Variants in SYT7 observed in about 807,000 individuals in gnomAD.
The protein encoded by SYT7 is synaptotagmin 7, also known as synaptotagmin-7.
In SYT7, 29 loss-of-function variants were observed where a neutral mutation model predicts 75.1. That is an observed-to-expected ratio of 0.39 (90% CI 0.29 to 0.53). The LOEUF (loss-of-function observed/expected upper bound fraction) is 0.53, where lower values mean the gene tolerates loss of function less well. Among genes scored for constraint, SYT7 ranks in the 20% least tolerant of loss-of-function variants. The probability of loss-of-function intolerance (pLI) is 0.77; values close to 1 mark genes in which losing one functional copy is unlikely to be tolerated. For synonymous variants in SYT7, 376 were observed against 401.7 expected (o/e 0.94, Z 0.76); for missense variants, 693 against 953.2 (o/e 0.73, Z 3.59).
chr11:61,541,454 G>A (rs2063040220), intron 6 of SYT7, among the ~76,000 whole-genome samples: 1 of 152,044 alleles, frequency 6.6e-6, no homozygotes, highest in Non-Finnish European at 1.5e-5. Flanking sequence ...CAGGGGGTGG[G>A]CGAATGGCTG....
At chr11:61,571,232 T>C (rs1333697967) in intron 1 of SYT7, among the ~76,000 whole-genome samples, 3 of 152,176 alleles carry the variant, frequency 2.0e-5, no homozygotes, top group African/African-American at 7.2e-5. Context: ...ACACCTACCA[T>C]CGTGTTTCCA....
At chr11:61,535,496 A>G (rs1590861481) in intron 7 of SYT7, among the ~76,000 whole-genome samples, 2 of 152,162 alleles carry the variant, frequency 1.3e-5, no homozygotes, top group Admixed American at 1.3e-4. Flanking sequence ...AGAGTGGCTG[A>G]GGGTGGAATG....
Position 61,580,974 on chromosome 11 carries a change from A to G in SYT7, c.-154T>C. 1 of 978,334 alleles carries G rather than the reference A, an allele frequency of 1.0e-6. No homozygotes were observed. Among genetic ancestry groups the G allele is most frequent in the Non-Finnish European group, 1.2e-6 (1 of 825,692 alleles). The allele number at this position is 978,334 out of a possible 1,614,324, so 60.6% of individuals were successfully genotyped here. On this transcript the variant is annotated 5_prime_UTR_variant, in exon 1 of 13. Coordinates refer to ENST00000539008, the MANE Select transcript of SYT7 (RefSeq NM_001365809.2). This position sits in a 1 kb window ranked among gnomAD's most constrained non-coding sequence, Gnocchi z 6.1. ...GCTGCACCTAGCCGCGGAGCCGGGG[A>G]GCGGGGGCCGCCCGCCAGCCCTCCC...
intron 1 of SYT7, among the ~76,000 whole-genome samples, chr11:61,558,741 C>T (rs560103489): frequency 1.3e-4 from 20 of 152,260 alleles, no homozygotes; most frequent in African/African-American, 4.6e-4. Flanking sequence ...GTGAGTACCA[C>T]CTCTGCCTCT....
At chr11:61,521,247 C>T (rs972182215) in intron 12 of SYT7, among the ~76,000 whole-genome samples, 19 of 152,272 alleles carry the variant, frequency 1.2e-4, no homozygotes, top group African/African-American at 4.1e-4. Context: ...CCTTGGGCTC[C>T]GTAAGTTACC....
In SYT7 at chr11:61,546,279, AG is replaced by A; in HGVS notation, c.348-25del. ...CACTGGAGGCATGCACGAGGCAGCCAGGCCAGAGGGGCACCGGGGGTGGCGG... is the reference window on the plus strand; with the variant it reads ...CACTGGAGGCATGCACGAGGCAGCCAGCCAGAGGGGCACCGGGGGTGGCGG... On this transcript the variant is annotated intron_variant, in intron 4 of 12. Transcript: ENST00000539008. This position sits in a 1 kb window ranked among gnomAD's most constrained non-coding sequence, Gnocchi z 7.6. The A allele has an allele frequency of 7.1e-7, 1 of 1,408,478 alleles. No individual in the cohort carries two copies. The highest frequency in any genetic ancestry group is 1.5e-5 in the South Asian group (1 of 65,382). 87.2% of individuals were successfully genotyped at this position (1,408,478 alleles called of 1,614,324 possible).
At chr11:61,536,284 AC>A (rs2062868277) in intron 7 of SYT7, among the ~76,000 whole-genome samples, 1 of 152,134 alleles carries the variant, frequency 6.6e-6, no homozygotes, top group African/African-American at 2.4e-5. Flanking sequence ...ATGGAGTGAG[AC>A]CTAAGTGGCA....
chr11:61,558,095 G>T, intron 1 of SYT7, among the ~76,000 whole-genome samples: 1 of 152,194 alleles, frequency 6.6e-6, no homozygotes, highest in East Asian at 1.9e-4. Context: ...ACTTTCCTTT[G>T]TTTAACTCAC....
chr11:61,562,176 C>T (rs973209398), intron 1 of SYT7, among the ~76,000 whole-genome samples: 2 of 152,200 alleles, frequency 1.3e-5, no homozygotes, highest in Non-Finnish European at 2.9e-5. Context: ...GAAAAGACCT[C>T]CTCCAGGAAG....
rs954745097 is a variant in SYT7 at position 61,551,143 on chromosome 11, C to A, written c.215+241G>T. Among the ~76,000 whole-genome samples, 1 of 151,988 alleles carries A rather than the reference C, an allele frequency of 6.6e-6. No individual in the cohort carries two copies. The highest frequency in any genetic ancestry group is 2.1e-4 in the South Asian group (1 of 4,812). On this transcript the variant is annotated intron_variant, in intron 3 of 12. Coordinates refer to ENST00000539008, the MANE Select transcript of SYT7 (RefSeq NM_001365809.2). The surrounding 1 kb of genome is among the most constrained non-coding windows in gnomAD (Gnocchi z 5.3). ...TTGAGGTGGGCGCAGAAGGTGCTGG[C>A]GGTGAGGGCAGCGGAAACGGAGGCC...
chr11:61,516,809 T>TAC lies in SYT7; in HGVS notation c.*1816_*1817dup, dbSNP rs980071292. The stretch of plus-strand genomic sequence containing the variant: ...TCTTCACTCTACAAAACGATTCACC[T>TAC]ACTATGTATGATGTTCCTCCAGATC... On this transcript the variant is annotated 3_prime_UTR_variant, in exon 13 of 13. Coordinates refer to ENST00000539008, the MANE Select transcript of SYT7 (RefSeq NM_001365809.2). This position sits in a 1 kb window ranked among gnomAD's most constrained non-coding sequence, Gnocchi z 4.6. 2.5e-5 allele frequency: 4 copies of TAC among 158,728 alleles called. No homozygotes were observed. Among genetic ancestry groups the TAC allele is most frequent in the African/African-American group, 9.6e-5 (4 of 41,722 alleles). The allele number at this position is 158,728 out of a possible 1,614,324, so 9.8% of individuals were successfully genotyped here. A position where few individuals can be genotyped will look rare whatever the true frequency, so the allele number is the denominator to read the frequency against.
intron 12 of SYT7, among the ~76,000 whole-genome samples, chr11:61,520,217 T>TA (rs35723812): frequency 2.8e-4 from 43 of 151,124 alleles, no homozygotes; most frequent in African/African-American, 4.1e-4. Context: ...TTTTTTTTTT[T>TA]AAAAAGGATG....
intron 3 of SYT7, among the ~76,000 whole-genome samples, chr11:61,547,559 G>A (rs544572782): frequency 3.1e-4 from 47 of 152,154 alleles, no homozygotes; most frequent in African/African-American, 1.0e-3. Context: ...CTCGAGGGCC[G>A]GGAAGCCACA....
At chr11:61,577,311 C>T (rs1402957441) in intron 1 of SYT7, among the ~76,000 whole-genome samples, 3 of 152,226 alleles carry the variant, frequency 2.0e-5, no homozygotes, top group African/African-American at 4.8e-5. Context: ...ATCTTCAGTC[C>T]GGACTCTAAC....
At chr11:61,559,514 G>T (rs2063584809) in intron 1 of SYT7, among the ~76,000 whole-genome samples, 1 of 152,116 alleles carries the variant, frequency 6.6e-6, no homozygotes, top group South Asian at 2.1e-4. Flanking sequence ...TTTGAGCAGG[G>T]GAAGGATGGG....
At position 61,580,265 on chromosome 11, in the gene SYT7, A is replaced by G. The variant is rs2429866; in HGVS notation, c.31+525T>C. Among the ~76,000 whole-genome samples the G allele has an allele frequency of 0.074, 11,094 of 150,028 alleles. 1,259 individuals carry two copies. The highest frequency in any genetic ancestry group is 0.25 in the African/African-American group (10,000 of 40,716). On this transcript the variant is annotated intron_variant, in intron 1 of 12. Coordinates refer to ENST00000539008, the MANE Select transcript of SYT7 (RefSeq NM_001365809.2). This position sits in a 1 kb window ranked among gnomAD's most constrained non-coding sequence, Gnocchi z 6.1. ...CCCCTGCAGTTCCCCACCCCCCAGA[A>G]CCTCCCTGCCCAGCTGCCGCACCAG...
chr11:61,515,024 AC>A lies in SYT7; in HGVS notation c.*3602del, dbSNP rs35226310. On this transcript the variant is annotated 3_prime_UTR_variant, in exon 13 of 13. Coordinates refer to ENST00000539008, the MANE Select transcript of SYT7 (RefSeq NM_001365809.2). ...GTCAGGCTGGGTGACCCTGGAGGGC[AC>A]CCCTGAGGCCTAGAGAGGACTCTAC... is the stretch of plus-strand genomic sequence containing the variant. Among the ~76,000 whole-genome samples the A allele has an allele frequency of 6.6e-6, 1 of 152,008 alleles. No homozygotes were observed. The highest frequency in any genetic ancestry group is 1.5e-5 in the Non-Finnish European group (1 of 67,992).
At position 61,556,105 on chromosome 11, in the gene SYT7, A is replaced by G; in HGVS notation, c.134T>C (p.Leu45Pro). The G allele has an allele frequency of 6.2e-7, 1 of 1,613,454 alleles. No individual in the cohort carries two copies. Among genetic ancestry groups the G allele is most frequent in the Non-Finnish European group, 8.5e-7 (1 of 1,179,726 alleles). ...CCAAGGGGCCCTCAGGAGCCTCACCAGTTTGCGCTGACACCAGTGGCAGAG... is the reference window on the plus strand; with the variant it reads ...CCAAGGGGCCCTCAGGAGCCTCACCGGTTTGCGCTGACACCAGTGGCAGAG... The part of the protein sequence containing the change: ...CGLCHWCQRK[L>P]GKRYKNSLET... The change falls in exon 2 of 13, where the codon CTG (leucine) becomes CCG (proline). Residue 45 changes from leucine to proline, a missense_variant and splice_region_variant. Leu to Pro is a moderately conservative substitution (Grantham distance 98, BLOSUM62 -3). Around this residue, in one of 2 missense-constraint regions of SYT7, gnomAD observed 487 missense variants for 593.2 expected, o/e 0.82. Coordinates refer to ENST00000539008, the MANE Select transcript of SYT7 (RefSeq NM_001365809.2).
At chr11:61,538,974 T>C (rs1172200915) in intron 6 of SYT7, among the ~76,000 whole-genome samples, 1 of 152,158 alleles carries the variant, frequency 6.6e-6, no homozygotes, top group Non-Finnish European at 1.5e-5. Flanking sequence ...TGAAAGTCCT[T>C]TGTGGTATAT....
Sources: gnomAD v4.1 joint callset for allele counts (sites outside exome capture counted in the v4.1 genomes callset) on GRCh38, gnomAD v4.1.1 for gene constraint, gnomAD v4.1.1 regional missense constraint, Gnocchi (gnomAD v3.1) non-coding constraint, MANE v1.5 for transcripts, NCBI Gene and HGNC (gene_info 2026-07-23, HGNC 2026-07-21) for gene names.